CUL4A: variants seen among roughly 807,000 people sequenced by gnomAD.
The protein encoded by CUL4A is cullin-4A.
In CUL4A, 16 loss-of-function variants were observed where a neutral mutation model predicts 95.5. The ratio of observed to expected loss-of-function variants is 0.17; its 90% CI spans 0.11 to 0.25. The LOEUF (loss-of-function observed/expected upper bound fraction) is 0.25. Ranked by LOEUF, CUL4A falls within the 10% of genes least tolerant of loss-of-function variation. The pLI, the probability that CUL4A is intolerant of heterozygous loss-of-function variation, is 1.00. For missense variants in CUL4A, 610 were observed against 937.0 expected (o/e 0.65, Z 4.56); for synonymous variants, 380 against 353.1 (o/e 1.08, Z -0.85).
intron 4 of CUL4A, 64 bp from the exon 5 acceptor site, chr13:113,229,382 G>A: frequency 1.5e-6 from 2 of 1,371,072 alleles, no homozygotes; most frequent in Non-Finnish European, 2.1e-6. Flanking sequence ...GAGTTAAAAG[G>A]CCTGATCTTT....
At chr13:113,248,054 G>C (rs995879203) in intron 15 of CUL4A, among the ~76,000 whole-genome samples, 62 of 152,248 alleles carry the variant, frequency 4.1e-4, no homozygotes, top group African/African-American at 1.5e-3. Flanking sequence ...CCAGTGTCTT[G>C]GTGACATTCG....
rs533063109 is a variant in CUL4A, at chr13:113,241,463, CCA to C, written c.1036-1499_1036-1498del. 1.7e-4 allele frequency among the ~76,000 whole-genome samples: 26 copies of C among 151,696 alleles called. 1 individual carries two copies. In the East Asian group the frequency reaches 5.0e-3, roughly 29 times the overall value. On this transcript the variant is annotated intron_variant, in intron 10 of 19. Coordinates refer to ENST00000375440, the MANE Select transcript of CUL4A (RefSeq NM_001008895.4). ...GGTAAGTCCCTCCCACACCTGCTAG[CCA>C]CACACCGCCCCTCTCTGGGAGAGTC...
intron 3 of CUL4A, among the ~76,000 whole-genome samples, chr13:113,224,996 C>T (rs2139143012): frequency 6.6e-6 from 1 of 152,260 alleles, no homozygotes; most frequent in East Asian, 1.9e-4. Flanking sequence ...ATGTATGTAT[C>T]CCTCTTCTAC....
intron 5 of CUL4A, among the ~76,000 whole-genome samples, chr13:113,232,629 A>T (rs1265069785): frequency 2.0e-5 from 3 of 152,238 alleles, no homozygotes; most frequent in Non-Finnish European, 4.4e-5. Context: ...TCCTCAGGCC[A>T]TGAGCTGAGG....
chr13:113,215,822 G>A (rs550891503), intron 2 of CUL4A, among the ~76,000 whole-genome samples: 17 of 103,232 alleles, frequency 1.6e-4, no homozygotes, highest in Non-Finnish European at 2.6e-4. Flanking sequence ...TGGAGGTCGC[G>A]TCCCATGTGG....
At chr13:113,227,367 T>C (rs1184956783) in intron 3 of CUL4A, among the ~76,000 whole-genome samples, 1 of 152,188 alleles carries the variant, frequency 6.6e-6, no homozygotes, top group Non-Finnish European at 1.5e-5. Flanking sequence ...CATCCTTATG[T>C]GGTGGAAGAG....
chr13:113,257,575 C>T (rs1411940198), intron 18 of CUL4A, among the ~76,000 whole-genome samples: 1 of 152,058 alleles, frequency 6.6e-6, no homozygotes, highest in African/African-American at 2.4e-5. Context: ...GAGGGAGGTG[C>T]CCCACATGTT....
chr13:113,254,454 C>T (rs543908945), intron 16 of CUL4A, among the ~76,000 whole-genome samples: 47 of 152,070 alleles, frequency 3.1e-4, no homozygotes, highest in African/African-American at 1.1e-3. Context: ...AAAAATTAGC[C>T]GGGCTTGGTA....
intron 18 of CUL4A, among the ~76,000 whole-genome samples, chr13:113,257,626 A>G (rs1245510561): frequency 6.6e-6 from 1 of 152,202 alleles, no homozygotes; most frequent in Non-Finnish European, 1.5e-5. Context: ...GGCCCAAGCC[A>G]TTCATGAGGG....
At chr13:113,208,462 C>A, upstream of CUL4A, 1 of 1,527,430 alleles carries the variant, frequency 6.5e-7, no homozygotes, top group Non-Finnish European at 8.8e-7. Flanking sequence ...GCTCGCGCGG[C>A]TGCCCGCCGG....
At chr13:113,232,416 T>TA (rs1169018469) in intron 5 of CUL4A, among the ~76,000 whole-genome samples, 1 of 97,210 alleles carries the variant, frequency 1.0e-5, no homozygotes, top group Non-Finnish European at 2.5e-5. Context: ...CCACCACTAT[T>TA]ACTATTACTG....
chr13:113,237,751 T>G (rs540000487), intron 9 of CUL4A, among the ~76,000 whole-genome samples: 1 of 152,328 alleles, frequency 6.6e-6, no homozygotes, highest in East Asian at 1.9e-4. Context: ...AGGCCCTAAA[T>G]GGTATTCAAA....
At position 113,216,818 on chromosome 13, in the gene CUL4A, A is replaced by G. The variant is rs942965479; in HGVS notation, c.265-2127A>G. ...AGGAGTTGGCAGGGCGGGGAGAAACAAAGGCTGTCGCCTTTCCAGTGATGA... is the reference window on the plus strand; with the variant it reads ...AGGAGTTGGCAGGGCGGGGAGAAACGAAGGCTGTCGCCTTTCCAGTGATGA... On this transcript the variant is annotated intron_variant, in intron 2 of 19. Coordinates refer to ENST00000375440, the MANE Select transcript of CUL4A (RefSeq NM_001008895.4). Among the ~76,000 whole-genome samples, 53 of 152,364 alleles carry G rather than the reference A, an allele frequency of 3.5e-4. 1 individual carries two copies. The highest frequency in any genetic ancestry group is 1.2e-3 in the African/African-American group (51 of 41,592).
chr13:113,245,575 A>C (rs2041834981), intron 14 of CUL4A, among the ~76,000 whole-genome samples: 2 of 152,228 alleles, frequency 1.3e-5, no homozygotes, highest in Non-Finnish European at 2.9e-5. Flanking sequence ...TAGATAATAC[A>C]TAGACAGAGA....
rs769673712 is a variant in CUL4A at position 113,218,973 on chromosome 13, T to G, written c.293T>G (p.Val98Gly). 2 of 1,613,458 alleles carry G rather than the reference T, an allele frequency of 1.2e-6. No individual in the cohort carries two copies. Among genetic ancestry groups the G allele is most frequent in the South Asian group, 1.1e-5 (1 of 90,900 alleles). The change falls in exon 3 of 20, where the codon GTC becomes GGC. Residue 98 changes from valine (V) to glycine (G), a missense_variant. By Grantham distance (109) the Val-to-Gly change is moderately radical. Transcript: ENST00000375440. ...GTGGAAAATCTCTGTTCTCACAAAG[T>G]CTCCCCAATGCTCTACAAGCAACTG... Reference protein sequence around the residue: ...QAVENLCSHKVSPMLYKQLRQ... With the variant: ...QAVENLCSHKGSPMLYKQLRQ...
At chr13:113,241,511 CTTTT>C (rs10645246) in intron 10 of CUL4A, among the ~76,000 whole-genome samples, 1 of 120,090 alleles carries the variant, frequency 8.3e-6, no homozygotes. Flanking sequence ...CTGTTGGCAT[CTTTT>C]TTTTTTTTTT....
chr13:113,237,429 C>T (rs535200337), intron 9 of CUL4A, among the ~76,000 whole-genome samples: 1 of 152,356 alleles, frequency 6.6e-6, no homozygotes, highest in East Asian at 1.9e-4. Context: ...GCGGCCTTCA[C>T]GTCCGCTTCT....
chr13:113,257,140 G>A (rs1471646314), intron 18 of CUL4A, among the ~76,000 whole-genome samples: 1 of 151,864 alleles, frequency 6.6e-6, no homozygotes, highest in Non-Finnish European at 1.5e-5. Flanking sequence ...GGCCAGGCTG[G>A]TCTCAAACTC....
At chr13:113,222,799 C>T (rs2040948796) in intron 3 of CUL4A, among the ~76,000 whole-genome samples, 1 of 152,124 alleles carries the variant, frequency 6.6e-6, no homozygotes, top group Admixed American at 6.5e-5. Flanking sequence ...ACTCTGGAGG[C>T]TGAGGTGGGA....
Sources: allele counts gnomAD v4.1 joint callset (sites outside exome capture counted in the v4.1 genomes callset), GRCh38; gene constraint gnomAD v4.1.1; transcripts MANE v1.5; gene names NCBI Gene and HGNC (gene_info 2026-07-23, HGNC 2026-07-21).